The following CHD9 variants were observed in gnomAD, a reference collection of about 807,000 sequenced individuals.
CHD9 encodes the protein ATP-dependent chromatin remodeler CHD9.
In CHD9, 77 loss-of-function variants were observed where a neutral mutation model predicts 316.1. That is an observed-to-expected ratio of 0.24 (90% confidence interval 0.20 to 0.29). CHD9 has a LOEUF of 0.29. CHD9 is among the 10% of genes least tolerant of loss of function. The pLI, the probability that CHD9 is intolerant of heterozygous loss-of-function variation, is 1.00. For synonymous variants in CHD9, 1,129 were observed against 1,158.3 expected (o/e 0.97, Z 0.51); for missense variants, 2,763 against 3,438.1 (o/e 0.80, Z 4.91).
intron 2 of CHD9, among the ~76,000 whole-genome samples, chr16:53,171,493 A>G (rs899999922): frequency 2.0e-5 from 3 of 152,196 alleles, no homozygotes; most frequent in African/African-American, 7.2e-5. Context: ...ATGAAAAGAG[A>G]TAGACATATG....
At chr16:53,249,151 T>C (rs1184019787) in intron 16 of CHD9, among the ~76,000 whole-genome samples, 1 of 152,170 alleles carries the variant, frequency 6.6e-6, no homozygotes, top group East Asian at 1.9e-4. Context: ...AGTTTCTTTA[T>C]TGTCATAACA....
rs748976635 is a variant in CHD9, at chr16:53,228,992, T to C, written c.2178T>C (p.Leu726=). The C allele has an allele frequency of 1.9e-6, 3 of 1,542,650 alleles. No individual in the cohort carries two copies. The highest frequency in any genetic ancestry group is 2.6e-6 in the Non-Finnish European group (3 of 1,140,746). Residue 726 remains leucine (L), a synonymous_variant, in exon 8 of 39, where the codon CTT becomes CTC. Transcript: ENST00000447540. ...FFVKYKNYSY[L]HCEWATEEQL... ...TTTATAAAAATTTTAGCTCCTATCT[T>C]CACTGTGAGTGGGCCACAGAAGAGC...
intron 1 of CHD9, among the ~76,000 whole-genome samples, chr16:53,082,988 A>G (rs577100336): frequency 3.0e-4 from 46 of 152,306 alleles, no homozygotes; most frequent in Admixed American, 3.0e-3. Flanking sequence ...CCTGAGGACT[A>G]TGATTGTGTC....
At chr16:53,318,158 A>G in intron 36 of CHD9, 54 bp from the exon 37 acceptor site, 1 of 1,418,358 alleles carries the variant, frequency 7.1e-7, no homozygotes, top group Non-Finnish European at 9.5e-7. Context: ...AATATTTTGA[A>G]TTGTTTTGCA....
chr16:53,089,696 T>C (rs1371207270), intron 1 of CHD9, among the ~76,000 whole-genome samples: 1 of 152,196 alleles, frequency 6.6e-6, no homozygotes, highest in African/African-American at 2.4e-5. Flanking sequence ...GGGTATGGGT[T>C]AATCAAGGCC....
chr16:53,157,467 G>T lies in CHD9; in HGVS notation c.1378G>T (p.Ala460Ser). 1 of 1,613,940 alleles carries T rather than the reference G, an allele frequency of 6.2e-7. No individual in the cohort carries two copies. The highest frequency in any genetic ancestry group is 8.5e-7 in the Non-Finnish European group (1 of 1,179,846). ...GGCTCAGACTCAGTTGCAAAGTCAG[G>T]CTCGGAGTTGGCATTCATCATTTTC... ...DMAQTQLQSQ[A>S]RSWHSSFSNH... Residue 460 changes from alanine to serine, a missense_variant, in exon 2 of 39, where the codon GCT becomes TCT. Physicochemically the swap from Ala to Ser is moderately conservative, Grantham distance 99. Coordinates refer to ENST00000447540, the MANE Select transcript of CHD9 (RefSeq NM_001308319.2).
At chr16:53,112,859 A>T (rs772294368) in intron 1 of CHD9, among the ~76,000 whole-genome samples, 4 of 152,098 alleles carry the variant, frequency 2.6e-5, no homozygotes, top group East Asian at 1.9e-4. Context: ...CTACAAAAAT[A>T]AAAATAAGCT....
At chr16:53,193,765 A>G (rs2044670806) in intron 2 of CHD9, among the ~76,000 whole-genome samples, 1 of 152,164 alleles carries the variant, frequency 6.6e-6, no homozygotes. Flanking sequence ...CTTTAGTTGA[A>G]TGATCTCATT....
chr16:53,247,608 G>C lies in CHD9; in HGVS notation c.3665+105G>C, dbSNP rs1597627393. ...TTTACTCATATCTTTCTCTTTGCTA[G>C]ATTAGAATAATGCATTCAAATTTAT... On this transcript the variant is annotated intron_variant, in intron 16 of 38. Transcript: ENST00000447540. 3.8e-6 allele frequency: 3 copies of C among 792,572 alleles called. No homozygotes were observed. The East Asian group carries it at 8.1e-5, about 21-fold the overall frequency. 49.1% of individuals were successfully genotyped at this position (792,572 alleles called of 1,614,324 possible).
At chr16:53,145,567 G>A (rs2040506693) in intron 1 of CHD9, among the ~76,000 whole-genome samples, 1 of 151,854 alleles carries the variant, frequency 6.6e-6, no homozygotes, top group Non-Finnish European at 1.5e-5. Context: ...TTAGCTGAGC[G>A]TGGTGGAGGG....
At chr16:53,141,380 C>A (rs1032583239) in intron 1 of CHD9, among the ~76,000 whole-genome samples, 8 of 152,140 alleles carry the variant, frequency 5.3e-5, no homozygotes, top group African/African-American at 1.9e-4. Context: ...AAATAGGATT[C>A]TTTCACTAAG....
intron 1 of CHD9, among the ~76,000 whole-genome samples, chr16:53,080,386 T>C (rs2034917269): frequency 6.6e-6 from 1 of 152,210 alleles, no homozygotes; most frequent in Admixed American, 6.5e-5. Flanking sequence ...GTTATTACAG[T>C]TGCTCAAGAA....
intron 1 of CHD9, among the ~76,000 whole-genome samples, 151 bp downstream of exon 1, chr16:53,055,228 C>T (rs1021738725): frequency 6.6e-6 from 1 of 152,112 alleles, no homozygotes; most frequent in Non-Finnish European, 1.5e-5. Context: ...GACCCAGAGA[C>T]CCGCAGCCTC....
intron 1 of CHD9, among the ~76,000 whole-genome samples, chr16:53,087,108 A>T (rs529675033): frequency 2.6e-5 from 4 of 152,312 alleles, no homozygotes; most frequent in African/African-American, 9.6e-5. Context: ...TTTGCATTTT[A>T]TCAGGCCCCA....
At chr16:53,108,735 C>G (rs1020630750) in intron 1 of CHD9, among the ~76,000 whole-genome samples, 6 of 151,284 alleles carry the variant, frequency 4.0e-5, no homozygotes, top group Admixed American at 6.6e-5. Context: ...ATTAGCCAGG[C>G]ATGGTGGTGG....
At position 53,267,508 on chromosome 16, in the gene CHD9, ATGT is replaced by A. The variant is rs2051811242; in HGVS notation, c.4517+20_4517+22del. 6.4e-7 allele frequency: 1 copy of A among 1,556,572 alleles called. No individual in the cohort carries two copies. Among genetic ancestry groups the A allele is most frequent in the Non-Finnish European group, 8.7e-7 (1 of 1,145,258 alleles). ...GTTTATGGGTAAAACATTGTTTTTA[ATGT>A]TTGCTCTAAGTAGTCTGGTATGTAA... On this transcript the variant is annotated intron_variant, in intron 21 of 38. Transcript: ENST00000447540.
intron 21 of CHD9, 124 bp downstream of exon 21, chr16:53,267,614 CTA>C (rs1567590376): frequency 2.9e-6 from 2 of 681,008 alleles, no homozygotes; most frequent in African/African-American, 1.8e-5. Context: ...TTAAAGTACT[CTA>C]TTTTTAGCAT....
intron 17 of CHD9, 117 bp downstream of exon 17, chr16:53,250,183 T>A: frequency 1.5e-6 from 1 of 662,442 alleles, no homozygotes. Context: ...TGTTTCTCTA[T>A]GAAATATCTG....
chr16:53,274,397 C>CTCAGGAGG, intron 24 of CHD9, 95 bp downstream of exon 24: 1 of 639,264 alleles, frequency 1.6e-6, no homozygotes, highest in Non-Finnish European at 2.7e-6. Context: ...ACCTCTGCCT[C>CTCAGGAGG]CTGAGAGGCT....
Sources: gnomAD v4.1 joint callset for allele counts (sites outside exome capture counted in the v4.1 genomes callset) on GRCh38, gnomAD v4.1.1 for gene constraint, MANE v1.5 for transcripts, NCBI Gene and HGNC (gene_info 2026-07-23, HGNC 2026-07-21) for gene names.